Variants in RAD52 observed in about 807,000 individuals in gnomAD.
RAD52 encodes RAD52 DNA repair protein, also known as DNA repair protein RAD52 homolog.
A neutral mutation model predicts 55.5 loss-of-function variants in RAD52; 47 were observed. That is an observed-to-expected ratio of 0.85 (90% confidence interval 0.67 to 1.08). The LOEUF is 1.08. Ranked by LOEUF, RAD52 falls within the 50% of genes least tolerant of loss-of-function variation. RAD52 has a pLI of 0.00. For missense variants in RAD52, 468 were observed against 522.8 expected (o/e 0.90, Z 1.02); for synonymous variants, 184 against 198.9 (o/e 0.92, Z 0.63).
Position 916,233 on chromosome 12 carries a change from C to T in RAD52, c.865+111G>A, listed in dbSNP as rs1419344721. On this transcript the variant is annotated intron_variant, in intron 9 of 11. Transcript: ENST00000358495. ...GCGTGTAGCTTGAGAGAAGTCCCAG[C>T]GAGGCCTGGTTTGGAGCCGGCCCAG... 2.6e-6 allele frequency: 4 copies of T among 1,509,456 alleles called. No homozygotes were observed. The Admixed American group carries it at 9.6e-5, about 36-fold the overall frequency. 93.5% of individuals were successfully genotyped at this position (1,509,456 alleles called of 1,614,324 possible).
At chr12:970,940 ATCGATACTTGATT>A (rs1457548179) in intron 1 of RAD52, among the ~76,000 whole-genome samples, 15 of 145,522 alleles carry the variant, frequency 1.0e-4, no homozygotes, top group African/African-American at 3.3e-4. Flanking sequence ...CAGGAAATAA[ATCGATACTTGATT>A]GTGTTATATA....
intron 1 of RAD52, among the ~76,000 whole-genome samples, chr12:983,238 A>G (rs1434504909): frequency 6.6e-6 from 1 of 152,034 alleles, no homozygotes; most frequent in Admixed American, 6.6e-5. Context: ...TTTATAAAGT[A>G]TTTATTACAG....
intron 1 of RAD52, among the ~76,000 whole-genome samples, chr12:981,531 T>C (rs543738131): frequency 6.6e-6 from 1 of 152,150 alleles, no homozygotes; most frequent in South Asian, 2.1e-4. Context: ...GACATTCCCA[T>C]TCCAAAGGCA....
intron 7 of RAD52, among the ~76,000 whole-genome samples, chr12:922,981 G>A (rs1368011122): frequency 6.6e-6 from 1 of 151,280 alleles, no homozygotes; most frequent in Non-Finnish European, 1.5e-5. Context: ...CAGGCAGGCT[G>A]ACCACCGGGA....
intron 1 of RAD52, among the ~76,000 whole-genome samples, chr12:938,856 G>C (rs11064600): frequency 0.26 from 39,768 of 151,748 alleles, 5,352 homozygotes; most frequent in East Asian, 0.36. Context: ...CAACCTCCTG[G>C]GCTCAGGTGA....
At chr12:976,808 C>G (rs1958940176) in intron 1 of RAD52, 1 of 152,172 alleles carries the variant, frequency 6.6e-6, no homozygotes, top group African/African-American at 2.4e-5. Context: ...ACAAACAGAA[C>G]AAATGACATC....
intron 1 of RAD52, chr12:974,710 T>C (rs1958913560): frequency 6.6e-6 from 1 of 152,356 alleles, no homozygotes; most frequent in African/African-American, 2.4e-5. Flanking sequence ...ACTTACTACA[T>C]ACTAAGTAAG....
intron 1 of RAD52, among the ~76,000 whole-genome samples, chr12:940,326 C>T (rs180706632): frequency 1.6e-4 from 24 of 151,546 alleles, no homozygotes; most frequent in African/African-American, 3.1e-4. Flanking sequence ...TGGCCGGGCG[C>T]GGTGGCTCAC....
chr12:930,613 T>C (rs1451057671), intron 3 of RAD52, among the ~76,000 whole-genome samples: 1 of 151,438 alleles, frequency 6.6e-6, no homozygotes, highest in Non-Finnish European at 1.5e-5. Flanking sequence ...CAATCATAAG[T>C]TCTTTAAAAA....
At chr12:939,134 A>G (rs1348779631) in intron 1 of RAD52, among the ~76,000 whole-genome samples, 2 of 151,260 alleles carry the variant, frequency 1.3e-5, no homozygotes, top group Non-Finnish European at 2.9e-5. Flanking sequence ...CAAATTTATG[A>G]ACCTAGGTGA....
chr12:978,857 G>A (rs1408656502), intron 1 of RAD52, among the ~76,000 whole-genome samples: 1 of 151,470 alleles, frequency 6.6e-6, no homozygotes, highest in East Asian at 1.9e-4. Context: ...GGGTGACAGA[G>A]ACTCCGTCTC....
chr12:961,645 G>T (rs1302440119), intron 1 of RAD52, among the ~76,000 whole-genome samples: 1 of 152,010 alleles, frequency 6.6e-6, no homozygotes, highest in Non-Finnish European at 1.5e-5. Context: ...TAGATTACTT[G>T]TTGCCAGGAG....
chr12:931,238 C>T lies in RAD52; in HGVS notation c.168G>A (p.Met56Ile). The change falls in exon 3 of 12, where the codon ATG (methionine) becomes ATA (isoleucine). Residue 56 changes from methionine to isoleucine, a missense_variant. Coordinates refer to ENST00000358495, the MANE Select transcript of RAD52 (RefSeq NM_134424.4). ...RLGPEYISSR[M>I]AGGGQKVCYI... ...CTCCTACCTTCTGGCCTCCGCCAGC[C>T]ATGCGGCTACTTATGTATTCTGGGC... 1 of 1,612,648 alleles carries T rather than the reference C, an allele frequency of 6.2e-7. No individual in the cohort carries two copies. The highest frequency in any genetic ancestry group is 8.5e-7 in the Non-Finnish European group (1 of 1,179,640).
In RAD52 at chr12:912,088, G is replaced by A; in HGVS notation, c.*1303C>T. ...GGGGGAAGAATTATGAAACATCTGA[G>A]CACTATGAAAAGCCAATTTATGGTC... On this transcript the variant is annotated 3_prime_UTR_variant, in exon 12 of 12. Coordinates refer to ENST00000358495, the MANE Select transcript of RAD52 (RefSeq NM_134424.4). 1 of 200,616 alleles carries A rather than the reference G, an allele frequency of 5.0e-6. No individual in the cohort carries two copies. The highest frequency in any genetic ancestry group is 7.7e-5 in the East Asian group (1 of 13,066). 12.4% of individuals were successfully genotyped at this position (200,616 alleles called of 1,614,324 possible).
upstream of RAD52, among the ~76,000 whole-genome samples, chr12:951,359 G>C (rs1958523480): frequency 6.6e-6 from 1 of 152,148 alleles, no homozygotes; most frequent in African/African-American, 2.4e-5. Flanking sequence ...CAATTCTCCT[G>C]TCTCAGCCTT....
chr12:949,920 A>C (rs1958476149), upstream of RAD52, among the ~76,000 whole-genome samples: 1 of 151,986 alleles, frequency 6.6e-6, no homozygotes, highest in African/African-American at 2.4e-5. Flanking sequence ...TCTGCCTCCT[A>C]CTTCCCGCCA....
At chr12:961,309 CAAAAAA>C (rs60547688) in intron 1 of RAD52, among the ~76,000 whole-genome samples, 8 of 33,810 alleles carry the variant, frequency 2.4e-4, no homozygotes, top group East Asian at 9.5e-4. Context: ...GACTCCATCT[CAAAAAA>C]AAAAAAAAAA....
intron 1 of RAD52, among the ~76,000 whole-genome samples, chr12:984,349 C>T (rs939723743): frequency 1.3e-5 from 2 of 152,018 alleles, no homozygotes; most frequent in Admixed American, 6.6e-5. Context: ...GTGCCTGCCA[C>T]CACACCCAGC....
At chr12:932,797 ACG>A (rs1455671587) in intron 2 of RAD52, among the ~76,000 whole-genome samples, 176 bp downstream of exon 2, 7 of 27,050 alleles carry the variant, frequency 2.6e-4, no homozygotes, top group Admixed American at 4.2e-4. Flanking sequence ...CACCGCGTCA[ACG>A]TACTAGGTAC....
Sources: allele counts gnomAD v4.1 joint callset (sites outside exome capture counted in the v4.1 genomes callset), GRCh38; gene constraint gnomAD v4.1.1; transcripts MANE v1.5; gene names NCBI Gene and HGNC (gene_info 2026-07-23, HGNC 2026-07-21).